Variants in ZER1 observed in about 807,000 individuals in gnomAD.
The protein encoded by ZER1 is zyg-11 related cell cycle regulator.
A neutral mutation model predicts 78.8 loss-of-function variants in ZER1; 11 were observed. The observed-to-expected ratio is 0.14, with a 90% CI of 0.09 to 0.23. The LOEUF (loss-of-function observed/expected upper bound fraction) is 0.23, where lower values mean the gene tolerates loss of function less well. Among genes scored for constraint, ZER1 ranks in the 10% least tolerant of loss-of-function variants. The probability of loss-of-function intolerance (pLI) is 1.00; values close to 1 mark genes in which losing one functional copy is unlikely to be tolerated. For missense variants in ZER1, 588 were observed against 996.9 expected, an observed-to-expected ratio of 0.59 and a Z score of 5.52; for synonymous variants, 400 against 407.0, an observed-to-expected ratio of 0.98 and a Z score of 0.21.
Position 128,755,557 on chromosome 9 carries a change from G to A in ZER1, c.9C>T (p.Ser3=), listed in dbSNP as rs202243417. The change falls in exon 2 of 16, where the codon TCC becomes TCT. Residue 3 remains serine, a synonymous_variant. Transcript: ENST00000291900. This position sits in a 1 kb window ranked among gnomAD's most constrained non-coding sequence, Gnocchi z 5.6. MA[S]DTPESLMALC... Reference sequence around the variant, plus strand: ...GGGCCATCAGCGACTCGGGAGTGTCGGACGCCATGCTGGGGGCAAGCAGGT... The same window carrying A: ...GGGCCATCAGCGACTCGGGAGTGTCAGACGCCATGCTGGGGGCAAGCAGGT... 502 of 1,612,156 alleles carry A rather than the reference G, an allele frequency of 3.1e-4. 2 individuals are homozygous for A. In the South Asian group the frequency reaches 4.6e-3, roughly 15 times the overall value.
At chr9:128,760,558 C>A (rs1864009295) in intron 1 of ZER1, among the ~76,000 whole-genome samples, 1 of 152,008 alleles carries the variant, frequency 6.6e-6, no homozygotes, top group South Asian at 2.1e-4. Context: ...TGTTTTGACC[C>A]AGTTATACAA....
rs1863782107 is a variant in ZER1 at position 128,754,143 on chromosome 9, G to A, written c.159-184C>T. Among the ~76,000 whole-genome samples the A allele has an allele frequency of 6.6e-6, 1 of 152,162 alleles. No homozygotes were observed. The highest frequency in any genetic ancestry group is 2.1e-4 in the South Asian group (1 of 4,834). On this transcript the variant is annotated intron_variant, in intron 2 of 15. Transcript: ENST00000291900. This position sits in a 1 kb window ranked among gnomAD's most constrained non-coding sequence, Gnocchi z 4.3. Reference sequence around the variant, plus strand: ...AAGATTAAGGGTGCCCAGGAACCAGGAATCTAAAGGCAGCTCTCTGGGAGA... The same window carrying A: ...AAGATTAAGGGTGCCCAGGAACCAGAAATCTAAAGGCAGCTCTCTGGGAGA...
intron 13 of ZER1, among the ~76,000 whole-genome samples, chr9:128,737,173 G>A (rs1863113848): frequency 6.6e-6 from 1 of 151,568 alleles, no homozygotes; most frequent in Admixed American, 6.6e-5. Flanking sequence ...TTGTAGAGGT[G>A]AGGGCTCACT....
chr9:128,752,529 C>T (rs1307599009), intron 5 of ZER1, 144 bp downstream of exon 5: 3 of 871,312 alleles, frequency 3.4e-6, no homozygotes, highest in Non-Finnish European at 5.0e-6. Context: ...CCATGTTGGC[C>T]AGGCTGGTCT....
In ZER1 at chr9:128,745,207, T is replaced by G. The variant is rs533698855; in HGVS notation, c.1360-2462A>C. Among the ~76,000 whole-genome samples, 62 of 150,526 alleles carry G rather than the reference T, an allele frequency of 4.1e-4. No individual in the cohort carries two copies. In the East Asian group the frequency reaches 9.7e-3, roughly 24 times the overall value. On this transcript the variant is annotated intron_variant, in intron 8 of 15. Transcript: ENST00000291900. ...CTTATTGATTTGTTTGGGTTTTTTTTTTTTTTTTTTTGAGACAGTGTCTGA... is the reference window on the plus strand; with the variant it reads ...CTTATTGATTTGTTTGGGTTTTTTTGTTTTTTTTTTTGAGACAGTGTCTGA...
chr9:128,739,845 C>T (rs1053908529), intron 13 of ZER1, 86 bp downstream of exon 13: 1 of 1,490,882 alleles, frequency 6.7e-7, no homozygotes, highest in Non-Finnish European at 9.1e-7. Context: ...GGTGGGAGCT[C>T]TGAGCAGACC....
In ZER1 at chr9:128,751,076, C is replaced by G. The variant is rs1470884416; in HGVS notation, c.1185+46G>C. 1.9e-6 allele frequency: 3 copies of G among 1,546,404 alleles called. No homozygotes were observed. ...CGGCTCAGCCAAGCCCGGCAACCTC[C>G]AGGTGGGGAGGGACAGGAGGCCAAG... On this transcript the variant is annotated intron_variant, in intron 7 of 15. Coordinates refer to ENST00000291900, the MANE Select transcript of ZER1 (RefSeq NM_006336.4). The surrounding 1 kb of genome is among the most constrained non-coding windows in gnomAD (Gnocchi z 5.4).
Position 128,731,321 on chromosome 9 carries a change from A to G in ZER1, c.*16T>C. ...CCTGTGGTCCAGAGCGGTGGCGGCCATGGGGACGGAGGCCTCTATCTAGAC... is the reference window on the plus strand; with the variant it reads ...CCTGTGGTCCAGAGCGGTGGCGGCCGTGGGGACGGAGGCCTCTATCTAGAC... On this transcript the variant is annotated 3_prime_UTR_variant, in exon 16 of 16. Coordinates refer to ENST00000291900, the MANE Select transcript of ZER1 (RefSeq NM_006336.4). 4 of 1,601,078 alleles carry G rather than the reference A, an allele frequency of 2.5e-6. No individual in the cohort carries two copies. Among genetic ancestry groups the G allele is most frequent in the Non-Finnish European group, 2.6e-6 (3 of 1,172,584 alleles).
At chr9:128,760,897 C>T (rs1343845164) in intron 1 of ZER1, among the ~76,000 whole-genome samples, 5 of 151,810 alleles carry the variant, frequency 3.3e-5, no homozygotes, top group Admixed American at 1.3e-4. Context: ...CGGTGGCTCA[C>T]GCCTGTAATC....
intron 1 of ZER1, among the ~76,000 whole-genome samples, chr9:128,758,206 G>A (rs1395752582): frequency 7.0e-6 from 1 of 142,958 alleles, no homozygotes; most frequent in African/African-American, 2.6e-5. Flanking sequence ...TGCAACCTCC[G>A]CCTCCTGGGT....
At position 128,733,449 on chromosome 9, in the gene ZER1, C is replaced by T. The variant is rs772476923; in HGVS notation, c.2220G>A (p.Arg740=). The change falls in exon 15 of 16, where the codon CGG becomes CGA. Residue 740 remains arginine, a synonymous_variant. Transcript: ENST00000291900. ...ACCGGGCCATTTCCTTGGTCTCCTG[C>T]CGTGCGGTCGCCATCTTAATTATGT... The part of the protein sequence containing the change: ...LRDIIKMATA[R]QETKEMARKV... The T allele has an allele frequency of 1.9e-6, 3 of 1,613,792 alleles. No individual in the cohort carries two copies. The Admixed American group carries it at 5.0e-5, about 27-fold the overall frequency.
intron 1 of ZER1, among the ~76,000 whole-genome samples, chr9:128,764,968 C>A (rs762899588): frequency 1.3e-5 from 2 of 152,168 alleles, no homozygotes; most frequent in Non-Finnish European, 2.9e-5. Flanking sequence ...CCAGCAGCAG[C>A]AGCAGCAGAA....
In ZER1 at chr9:128,769,138, C is replaced by T. The variant is rs1459675173; in HGVS notation, c.-95+2443G>A. 3.3e-5 allele frequency among the ~76,000 whole-genome samples: 5 copies of T among 151,978 alleles called. No individual in the cohort carries two copies. The East Asian group carries it at 9.6e-4, about 29-fold the overall frequency. ...CTCTGCAGAATATTAACCCAGTTAC[C>T]TCTGAGGGGTGTCAAGAAGTTTCTG... On this transcript the variant is annotated intron_variant, in intron 1 of 15. Transcript: ENST00000291900.
At chr9:128,743,565 CTG>C (rs1564396913) in intron 8 of ZER1, among the ~76,000 whole-genome samples, 1 of 150,850 alleles carries the variant, frequency 6.6e-6, no homozygotes, top group East Asian at 2.0e-4. Context: ...GGTACTACAG[CTG>C]TGTGCCACCA....
intron 8 of ZER1, among the ~76,000 whole-genome samples, chr9:128,747,224 C>G (rs1228977990): frequency 6.6e-6 from 1 of 151,590 alleles, no homozygotes; most frequent in Admixed American, 6.6e-5. Context: ...AATATACACA[C>G]ACACATACTG....
At chr9:128,757,645 A>G (rs1863900308) in intron 1 of ZER1, among the ~76,000 whole-genome samples, 1 of 152,206 alleles carries the variant, frequency 6.6e-6, no homozygotes, top group Non-Finnish European at 1.5e-5. Context: ...GTAAAGCCAC[A>G]ATGAGATGCC....
chr9:128,753,883 T>C lies in ZER1; in HGVS notation c.235A>G (p.Ser79Gly). 1.2e-6 allele frequency: 2 copies of C among 1,601,534 alleles called. No individual in the cohort carries two copies. The highest frequency in any genetic ancestry group is 1.7e-6 in the Non-Finnish European group (2 of 1,174,524). Residue 79 changes from serine to glycine, a missense_variant, in exon 3 of 16, where the codon AGC becomes GGC. Transcript: ENST00000291900. This position sits in a 1 kb window ranked among gnomAD's most constrained non-coding sequence, Gnocchi z 7.5. ...AGGTGGATCCGCGTGAGGCGGGTGC[T>C]GCGGGGGTCCGAAAAGAGGCTGAAG... ...SFFSLFSDPR[S>G]TRLTRIHLRE... is the part of the protein sequence containing the mutation.
chr9:128,757,332 A>C (rs1399641391), intron 1 of ZER1, among the ~76,000 whole-genome samples: 6 of 152,140 alleles, frequency 3.9e-5, no homozygotes, highest in African/African-American at 1.4e-4. Context: ...CAGCCTGGGC[A>C]ACATGGCGAA....
At chr9:128,735,307 C>G in intron 14 of ZER1, 27 bp downstream of exon 14, 1 of 1,599,838 alleles carries the variant, frequency 6.3e-7, no homozygotes, top group Non-Finnish European at 8.5e-7. Flanking sequence ...GGATGAGTGT[C>G]TGAACCCAGG....
Sources: gnomAD v4.1 joint callset for allele counts (sites outside exome capture counted in the v4.1 genomes callset) on GRCh38, gnomAD v4.1.1 for gene constraint, Gnocchi (gnomAD v3.1) non-coding constraint, MANE v1.5 for transcripts, NCBI Gene and HGNC (gene_info 2026-07-23, HGNC 2026-07-21) for gene names.